Variants in DENND1C observed in about 807,000 individuals in gnomAD.
DENND1C encodes DENN domain-containing protein 1C.
DENND1C carries 64 observed loss-of-function variants against 87.9 expected under a neutral mutation model. The ratio of observed to expected loss-of-function variants is 0.73; its 90% CI spans 0.60 to 0.90. The LOEUF (loss-of-function observed/expected upper bound fraction) is 0.90, where lower values mean the gene tolerates loss of function less well. Ranked by LOEUF, DENND1C falls within the 40% of genes least tolerant of loss-of-function variation. DENND1C has a pLI of 0.00. For synonymous variants in DENND1C, 384 were observed against 424.4 expected, an observed-to-expected ratio of 0.90 and a Z score of 1.17; for missense variants, 980 against 1,037.0, an observed-to-expected ratio of 0.95 and a Z score of 0.76.
chr19:6,479,145 G>T, intron 4 of DENND1C, 89 bp from the exon 5 acceptor site: 1 of 1,541,126 alleles, frequency 6.5e-7, no homozygotes, highest in Non-Finnish European at 8.8e-7. Flanking sequence ...AGGACCCTGA[G>T]TGTATGGGTC....
At chr19:6,472,185 C>G (rs567529043) in intron 15 of DENND1C, among the ~76,000 whole-genome samples, 1 of 148,382 alleles carries the variant, frequency 6.7e-6, no homozygotes, top group Non-Finnish European at 1.5e-5. Flanking sequence ...CCCGCCCCCC[C>G]ACCCATATCC....
At chr19:6,469,707 T>C (rs2092817200) in intron 18 of DENND1C, 67 bp from the exon 19 acceptor site, 7 of 1,540,228 alleles carry the variant, frequency 4.5e-6, no homozygotes, top group Non-Finnish European at 6.2e-6. Context: ...AGCTCAGCCT[T>C]CTGTCCCCTA....
In DENND1C at chr19:6,478,177, T is replaced by C. The variant is rs8108827; in HGVS notation, c.366+606A>G. Reference sequence around the variant, plus strand: ...ATAGCTTCGAACTCCTGGGCTCAGTTGATCCTCCCACCTTGCTCTCCTGAG... The same window carrying C: ...ATAGCTTCGAACTCCTGGGCTCAGTCGATCCTCCCACCTTGCTCTCCTGAG... On this transcript the variant is annotated intron_variant, in intron 6 of 22. Transcript: ENST00000381480. Among the ~76,000 whole-genome samples the C allele has an allele frequency of 2.5e-3, 379 of 152,274 alleles. 1 individual carries two copies. Among genetic ancestry groups the C allele is most frequent in the African/African-American group, 8.6e-3 (359 of 41,576 alleles).
rs746358321 is a variant in DENND1C at position 6,468,930 on chromosome 19, C to G, written c.1431G>C (p.Arg477Ser). 3 of 1,465,930 alleles carry G rather than the reference C, an allele frequency of 2.0e-6. No homozygotes were observed. In the Admixed American group the frequency reaches 7.8e-5, roughly 38 times the overall value. The allele number at this position is 1,465,930 out of a possible 1,614,324, so 90.8% of individuals were successfully genotyped here. A position where few individuals can be genotyped will look rare whatever the true frequency, so the allele number is the denominator to read the frequency against. The stretch of plus-strand genomic sequence containing the variant: ...GGGCTGGGGCCCTCAGAGAGCCCCC[C>G]CTCTGCAGGACAGAGTCCCCATCCT... The part of the protein sequence containing the change: ...MYKDGDSVLQ[R>S]GGSLRAPALP... The change falls in exon 20 of 23, where the codon AGG becomes AGC. Residue 477 changes from arginine (R) to serine (S), a missense_variant. By Grantham distance (110) the Arg-to-Ser change is moderately radical. Transcript: ENST00000381480.
At chr19:6,481,389 TCA>T (rs1322136289) in intron 1 of DENND1C, among the ~76,000 whole-genome samples, 1 of 151,278 alleles carries the variant, frequency 6.6e-6, no homozygotes, top group Admixed American at 6.6e-5. Context: ...AAGCCATCAC[TCA>T]GACATACCAA....
At chr19:6,481,373 C>T (rs973095141) in intron 1 of DENND1C, among the ~76,000 whole-genome samples, 1 of 151,822 alleles carries the variant, frequency 6.6e-6, no homozygotes, top group African/African-American at 2.4e-5. Context: ...CCCTGTGGAC[C>T]CCCTGAAGCC....
intron 6 of DENND1C, 197 bp from the exon 7 acceptor site, chr19:6,477,655 C>A (rs1305763213): frequency 5.6e-6 from 1 of 178,612 alleles, no homozygotes; most frequent in South Asian, 2.1e-4. Flanking sequence ...CCCTATGTTG[C>A]CCAGGCTGGT....
chr19:6,479,456 G>A (rs1418631945), intron 4 of DENND1C, among the ~76,000 whole-genome samples: 1 of 151,716 alleles, frequency 6.6e-6, no homozygotes, highest in Non-Finnish European at 1.5e-5. Context: ...GGGTTCCTGA[G>A]TCCCTAGATC....
At chr19:6,474,509 A>G (rs1364664137) in intron 14 of DENND1C, among the ~76,000 whole-genome samples, 1 of 152,328 alleles carries the variant, frequency 6.6e-6, no homozygotes, top group East Asian at 1.9e-4. Context: ...TGGTTTCCTC[A>G]TATGGAAAAT....
At chr19:6,469,472 C>G (rs1262136032) in intron 19 of DENND1C, 124 bp downstream of exon 19, 1 of 901,600 alleles carries the variant, frequency 1.1e-6, no homozygotes, top group East Asian at 2.7e-5. Context: ...TTTGTAGAGA[C>G]AAGGCCCCAC....
chr19:6,473,963 G>A (rs2092844679), intron 14 of DENND1C, among the ~76,000 whole-genome samples: 1 of 152,102 alleles, frequency 6.6e-6, no homozygotes, highest in African/African-American at 2.4e-5. Flanking sequence ...GGGAAGAGGA[G>A]ATGGATGGAT....
At position 6,470,349 on chromosome 19, in the gene DENND1C, G is replaced by A. The variant is rs779407731; in HGVS notation, c.1308C>T (p.Leu436=). ...ADNLKKGGGA[L]LHSVKAKTQP... is the part of the protein sequence containing the mutation. ...GGGTCTTGGCCTTGACTGAGTGCAG[G>A]AGGGCGCCACCACCTTTCTGCGGGA... The change falls in exon 18 of 23, where the codon CTC becomes CTT. Residue 436 remains leucine (L), a synonymous_variant. Transcript: ENST00000381480. 9 of 1,612,808 alleles carry A rather than the reference G, an allele frequency of 5.6e-6. No individual in the cohort carries two copies. The East Asian group carries it at 1.8e-4, about 32-fold the overall frequency.
rs982530488 is a variant in DENND1C, at chr19:6,480,012, C to T, written c.57G>A (p.Ala19=). ...CCTCCTGCAGGGAGGCAGGGCAGGC[C>T]GCTTCGAAGAACCAATCAAACACAG... ...SPAVFDWFFE[A]ACPASLQEDP... The change falls in exon 2 of 23, where the codon GCG becomes GCA. Residue 19 remains alanine, a synonymous_variant. Transcript: ENST00000381480. 2.5e-5 allele frequency: 40 copies of T among 1,610,416 alleles called. No homozygotes were observed. Among genetic ancestry groups the T allele is most frequent in the Non-Finnish European group, 3.0e-5 (35 of 1,178,726 alleles).
At chr19:6,480,271 CTGTG>C (rs760220537) in intron 1 of DENND1C, 16 of 1,432,014 alleles carry the variant, frequency 1.1e-5, no homozygotes, top group African/African-American at 5.7e-5. Flanking sequence ...GAAAGTGTGA[CTGTG>C]TGTGTGTGGC....
rs2092855375 is a variant in DENND1C, at chr19:6,475,707, T to G, written c.824A>C (p.Glu275Ala). Residue 275 changes from glutamate to alanine, a missense_variant and splice_region_variant, in exon 12 of 23, where the codon GAG (glutamate) becomes GCG (alanine). By Grantham distance (107) the Glu-to-Ala change is moderately radical (BLOSUM62 -1). Coordinates refer to ENST00000381480, the MANE Select transcript of DENND1C (RefSeq NM_024898.4). ...YLIGVHASLA[E>A]RVREKALEDV... ...TCGTCTGGGTAGATCCACGCTCACC[T>G]CGGCGAGACTGGCGTGCACTCCAAT... is the stretch of plus-strand genomic sequence containing the variant. The G allele has an allele frequency of 1.3e-6, 2 of 1,591,512 alleles. No individual in the cohort carries two copies. The highest frequency in any genetic ancestry group is 1.7e-6 in the Non-Finnish European group (2 of 1,168,486).
chr19:6,478,732 G>C, intron 6 of DENND1C, 51 bp downstream of exon 6: 1 of 1,564,308 alleles, frequency 6.4e-7, no homozygotes, highest in Non-Finnish European at 8.7e-7. Context: ...GGGAGGTTGA[G>C]GGGGGTGGGG....
chr19:6,475,037 A>AAAACAAACAAAC lies in DENND1C; in HGVS notation c.1053+225_1053+236dup, dbSNP rs74173089. On this transcript the variant is annotated intron_variant, in intron 14 of 22. Coordinates refer to ENST00000381480, the MANE Select transcript of DENND1C (RefSeq NM_024898.4). ...GGGAACAGAGTGAAACTCTGTCTCA[A>AAAACAAACAAAC]AAACAAACAAACAAACAAACAAACA... Among the ~76,000 whole-genome samples, 692 of 151,164 alleles carry AAAACAAACAAAC rather than the reference A, an allele frequency of 4.6e-3. 7 individuals are homozygous for AAAACAAACAAAC. Among genetic ancestry groups the AAAACAAACAAAC allele is most frequent in the South Asian group, 8.0e-3 (38 of 4,760 alleles).
rs765036989 is a variant in DENND1C at position 6,470,300 on chromosome 19, G to C, written c.1357C>G (p.Arg453Gly). 6.2e-7 allele frequency: 1 copy of C among 1,609,324 alleles called. No homozygotes were observed. Among genetic ancestry groups the C allele is most frequent in the Non-Finnish European group, 8.5e-7 (1 of 1,178,094 alleles). Residue 453 changes from arginine to glycine, a missense_variant, in exon 18 of 23, where the codon CGC becomes GGC. Arg to Gly is a moderately radical substitution (Grantham distance 125). Transcript: ENST00000381480. ...KTQPAVKNMYRSAKSGLKGVQ... is the reference protein window; with the variant it reads ...KTQPAVKNMYGSAKSGLKGVQ... Reference sequence around the variant, plus strand: ...CCTGTCCAGCTCAGCCTCACCGAGCGGTACATGTTCTTGACGGCTGGTTGG... The same window carrying C: ...CCTGTCCAGCTCAGCCTCACCGAGCCGTACATGTTCTTGACGGCTGGTTGG...
chr19:6,478,718 G>T (rs1333834161), intron 6 of DENND1C, 65 bp downstream of exon 6: 2 of 1,526,160 alleles, frequency 1.3e-6, no homozygotes, highest in Admixed American at 1.9e-5. Context: ...GAGAGGGAGG[G>T]GTTGGGAGGT....
Sources: allele counts gnomAD v4.1 joint callset (sites outside exome capture counted in the v4.1 genomes callset), GRCh38; gene constraint gnomAD v4.1.1; transcripts MANE v1.5; gene names NCBI Gene and HGNC (gene_info 2026-07-23, HGNC 2026-07-21).